MAPK14: variants seen among roughly 807,000 people sequenced by gnomAD.
The protein encoded by MAPK14 is mitogen-activated protein kinase 14, also known as CSAID-binding protein.
In MAPK14, 16 loss-of-function variants were observed where a neutral mutation model predicts 49.6. That is an observed-to-expected ratio of 0.32 (90% CI 0.22 to 0.49). The LOEUF is 0.49. Ranked by LOEUF, MAPK14 falls within the 20% of genes least tolerant of loss-of-function variation. The pLI is 0.99. For synonymous variants in MAPK14, 142 were observed against 158.0 expected, an observed-to-expected ratio of 0.90 and a Z score of 0.76; for missense variants, 200 against 441.2, an observed-to-expected ratio of 0.45 and a Z score of 4.90.
At chr6:36,080,526 A>T (rs1411160469) in intron 8 of MAPK14, among the ~76,000 whole-genome samples, 1 of 152,210 alleles carries the variant, frequency 6.6e-6, no homozygotes, top group Non-Finnish European at 1.5e-5. Flanking sequence ...TCCATGATGT[A>T]GCATGTATCA....
chr6:36,029,731 C>G (rs11968307), intron 1 of MAPK14, among the ~76,000 whole-genome samples: 4 of 152,086 alleles, frequency 2.6e-5, no homozygotes, highest in Non-Finnish European at 5.9e-5. Flanking sequence ...TTTTCTAGTT[C>G]AAGTTGCTTA....
Position 36,107,787 on chromosome 6 carries a change from ACT to A in MAPK14, c.1015+164_1015+165del, listed in dbSNP as rs1765842689. On this transcript the variant is annotated intron_variant, in intron 11 of 11. Transcript: ENST00000229794. This position sits in a 1 kb window ranked among gnomAD's most constrained non-coding sequence, Gnocchi z 4.3. The stretch of plus-strand genomic sequence containing the variant: ...GGTGGAAACTGTTGTAGACAGTGAT[ACT>A]CTCTGGACCTTTGAGATACTTATGT... 6.6e-6 allele frequency among the ~76,000 whole-genome samples: 1 copy of A among 152,218 alleles called. No individual in the cohort carries two copies. Among genetic ancestry groups the A allele is most frequent in the African/African-American group, 2.4e-5 (1 of 41,456 alleles).
chr6:36,047,051 A>C (rs1285057050), intron 1 of MAPK14, among the ~76,000 whole-genome samples: 2 of 152,204 alleles, frequency 1.3e-5, no homozygotes, highest in South Asian at 4.1e-4. Flanking sequence ...AGTTTAGAGA[A>C]CTGGGTTTAG....
At chr6:36,067,339 G>A (rs1361308091) in intron 3 of MAPK14, among the ~76,000 whole-genome samples, 1 of 152,052 alleles carries the variant, frequency 6.6e-6, no homozygotes, top group African/African-American at 2.4e-5. Context: ...ATCACCGTAT[G>A]TCCCTTTATT....
intron 1 of MAPK14, among the ~76,000 whole-genome samples, chr6:36,050,689 G>A (rs1376714610): frequency 6.6e-6 from 1 of 152,206 alleles, no homozygotes; most frequent in African/African-American, 2.4e-5. Context: ...GTGAGCAGGA[G>A]GTATTTTATA....
At chr6:36,116,824 GA>G in the MAPK14 span, among the ~76,000 whole-genome samples, 1 of 151,932 alleles carries the variant, frequency 6.6e-6, no homozygotes, top group Non-Finnish European at 1.5e-5. Context: ...TTCTTTTAAT[GA>G]ACTGCTACTG....
At chr6:36,086,264 C>T (rs1764981990) in intron 8 of MAPK14, among the ~76,000 whole-genome samples, 1 of 152,236 alleles carries the variant, frequency 6.6e-6, no homozygotes, top group South Asian at 2.1e-4. Context: ...CAAGACCAAA[C>T]AAACCCTAAA....
chr6:36,083,649 C>T (rs1165654609), intron 8 of MAPK14, among the ~76,000 whole-genome samples: 1 of 152,216 alleles, frequency 6.6e-6, no homozygotes, highest in Non-Finnish European at 1.5e-5. Context: ...GGCAGGGCCT[C>T]TCTGCGGGAA....
chr6:36,052,057 TC>T (rs1763420412), intron 1 of MAPK14, among the ~76,000 whole-genome samples: 1 of 152,190 alleles, frequency 6.6e-6, no homozygotes, highest in African/African-American at 2.4e-5. Flanking sequence ...TTTTATTTAG[TC>T]ATAGTATTTT....
chr6:36,103,468 T>C (rs1765703846), intron 10 of MAPK14, among the ~76,000 whole-genome samples: 1 of 152,048 alleles, frequency 6.6e-6, no homozygotes, highest in Non-Finnish European at 1.5e-5. Context: ...GCCTTCCAAA[T>C]AGCTAGGACT....
rs200669191 is a variant in MAPK14, at chr6:36,109,703, G to A, written c.*1256G>A. On this transcript the variant is annotated 3_prime_UTR_variant, in exon 12 of 12. Transcript: ENST00000229794. ...GGGAAAAGACCAGGGCTTTTCCCAG[G>A]AATATCCCAAACTTCGGAAACAAGT... The A allele has an allele frequency of 9.7e-4, 148 of 152,646 alleles. No individual in the cohort carries two copies. Among genetic ancestry groups the A allele is most frequent in the African/African-American group, 3.2e-3 (131 of 41,528 alleles). The allele number at this position is 152,646 out of a possible 1,614,324, so 9.5% of individuals were successfully genotyped here.
chr6:36,075,763 G>T (rs1581795712), intron 6 of MAPK14, 85 bp from the exon 7 acceptor site: 2 of 1,584,806 alleles, frequency 1.3e-6, no homozygotes, highest in Non-Finnish European at 1.7e-6. Context: ...GGCAACAGAG[G>T]TTTGTTTGTT....
the MAPK14 span, among the ~76,000 whole-genome samples, chr6:36,121,374 G>T: frequency 6.6e-6 from 1 of 152,188 alleles, no homozygotes; most frequent in South Asian, 2.1e-4. Flanking sequence ...GCTGCCTGCC[G>T]CTGGCTGCCT....
chr6:36,049,546 A>G (rs531639704), intron 1 of MAPK14, among the ~76,000 whole-genome samples: 2 of 152,300 alleles, frequency 1.3e-5, no homozygotes, highest in South Asian at 4.1e-4. Flanking sequence ...CTGGGGTGGT[A>G]CCTGAGAATT....
intron 3 of MAPK14, among the ~76,000 whole-genome samples, chr6:36,064,093 T>TGTGTGA (rs57518099): frequency 6.7e-6 from 1 of 149,812 alleles, no homozygotes; most frequent in East Asian, 1.9e-4. Flanking sequence ...TGTGTGTGTG[T>TGTGTGA]TTGTTTTCTT....
At chr6:36,043,017 G>A (rs547914285) in intron 1 of MAPK14, among the ~76,000 whole-genome samples, 3 of 152,006 alleles carry the variant, frequency 2.0e-5, no homozygotes, top group African/African-American at 7.2e-5. Context: ...GCAGCTACTC[G>A]GGAAGCTGAG....
At chr6:36,068,282 G>A (rs57915859) in intron 3 of MAPK14, among the ~76,000 whole-genome samples, 1 of 152,166 alleles carries the variant, frequency 6.6e-6, no homozygotes, top group Non-Finnish European at 1.5e-5. Context: ...GCAAGGGACA[G>A]AGACATAGAC....
At chr6:36,089,969 C>T (rs1287115931) in intron 8 of MAPK14, among the ~76,000 whole-genome samples, 1 of 152,206 alleles carries the variant, frequency 6.6e-6, no homozygotes, top group Non-Finnish European at 1.5e-5. Context: ...TTTTCCTTTT[C>T]TCCATAATCA....
intron 8 of MAPK14, among the ~76,000 whole-genome samples, chr6:36,091,446 A>G (rs1581830923): frequency 6.6e-6 from 1 of 152,202 alleles, no homozygotes; most frequent in East Asian, 1.9e-4. Flanking sequence ...AATATTTTCT[A>G]CCTAAGAGAA....
Sources: allele counts gnomAD v4.1 joint callset (sites outside exome capture counted in the v4.1 genomes callset), GRCh38; gene constraint gnomAD v4.1.1; non-coding constraint Gnocchi (gnomAD v3.1); transcripts MANE v1.5; gene names NCBI Gene and HGNC (gene_info 2026-07-23, HGNC 2026-07-21).